Variants in SRP9 observed in about 807,000 individuals in gnomAD.
SRP9 encodes the protein signal recognition particle 9, also known as signal recognition particle 9 kDa protein.
SRP9 carries 2 observed loss-of-function variants against 11.7 expected under a neutral mutation model. The observed-to-expected ratio is 0.17, with a 90% confidence interval of 0.07 to 0.54. The LOEUF (loss-of-function observed/expected upper bound fraction) is 0.54. Among genes scored for constraint, SRP9 ranks in the 20% least tolerant of loss-of-function variants. The pLI, the probability that SRP9 is intolerant of heterozygous loss-of-function variation, is 0.94. For missense variants in SRP9, 54 were observed against 108.1 expected (o/e 0.50, Z 2.22); for synonymous variants, 27 against 35.6 (o/e 0.76, Z 0.86).
chr1:225,782,287 C>A (rs1440777213), intron 1 of SRP9, among the ~76,000 whole-genome samples: 2 of 152,060 alleles, frequency 1.3e-5, no homozygotes, highest in African/African-American at 4.8e-5. Flanking sequence ...CCTCAGCCTC[C>A]CGATTAGCTG....
At chr1:225,778,105 G>A in intron 1 of SRP9, 93 bp downstream of exon 1, 2 of 1,384,936 alleles carry the variant, frequency 1.4e-6, no homozygotes, top group Non-Finnish European at 2.0e-6. Flanking sequence ...GCGCTCCCAG[G>A]AGGTGCTGGG....
chr1:225,780,373 GT>G (rs141239007), intron 1 of SRP9, among the ~76,000 whole-genome samples: 15 of 151,138 alleles, frequency 9.9e-5, no homozygotes, highest in Admixed American at 2.6e-4. Flanking sequence ...GAGCTTAACA[GT>G]TTTTTTTGTT....
intron 2 of SRP9, chr1:225,788,888 T>C (rs919394853): frequency 2.0e-6 from 2 of 1,001,128 alleles, no homozygotes; most frequent in Non-Finnish European, 2.8e-6. Context: ...GGAGAAAATA[T>C]GTAGGGAGAT....
Position 225,783,355 on chromosome 1 carries a change from CAG to C in SRP9, c.130_131del (p.Asp44Ter). The C allele has an allele frequency of 6.2e-7, 1 of 1,610,766 alleles. No homozygotes were observed. The highest frequency in any genetic ancestry group is 8.5e-7 in the Non-Finnish European group (1 of 1,177,684). On this transcript the variant is annotated frameshift_variant, in exon 2 of 3. Coordinates refer to ENST00000304786, the MANE Select transcript of SRP9 (RefSeq NM_003133.6). LOFTEE classifies it high-confidence loss of function. ...GATGGGAACTTGTGTGTTAAAGTAA[CAG>C]ATGATTTAGTTGTAAGTATACATTT...
chr1:225,790,201 TTTAA>T lies in SRP9; in HGVS notation c.*847_*850del, dbSNP rs763186007. 2 of 152,240 alleles carry T rather than the reference TTTAA, an allele frequency of 1.3e-5. No homozygotes were observed. The highest frequency in any genetic ancestry group is 6.5e-5 in the Admixed American group (1 of 15,286). 9.4% of individuals were successfully genotyped at this position (152,240 alleles called of 1,614,324 possible). On this transcript the variant is annotated 3_prime_UTR_variant, in exon 3 of 3. Transcript: ENST00000304786. ...GTGACACCCCTGCCCATTTTCTGTC[TTTAA>T]TTAACCAAGGTGTTAGGTGTGACTG...
intron 1 of SRP9, among the ~76,000 whole-genome samples, chr1:225,782,456 G>A (rs1292092321): frequency 5.9e-5 from 9 of 152,112 alleles, no homozygotes; most frequent in Non-Finnish European, 1.2e-4. Flanking sequence ...GAGCCACCGC[G>A]CCTGGCCGAT....
At chr1:225,780,012 AAG>A (rs1270222393) in intron 1 of SRP9, among the ~76,000 whole-genome samples, 3 of 152,158 alleles carry the variant, frequency 2.0e-5, no homozygotes, top group Non-Finnish European at 2.9e-5. Context: ...ATAGACAAGA[AAG>A]AGAATATTTC....
At chr1:225,780,090 C>T (rs908561269) in intron 1 of SRP9, among the ~76,000 whole-genome samples, 1 of 151,482 alleles carries the variant, frequency 6.6e-6, no homozygotes, top group Non-Finnish European at 1.5e-5. Flanking sequence ...AATCACAGTT[C>T]GCTGCACCAT....
chr1:225,782,453 C>T (rs950812771), intron 1 of SRP9, among the ~76,000 whole-genome samples: 1 of 152,090 alleles, frequency 6.6e-6, no homozygotes, highest in Non-Finnish European at 1.5e-5. Context: ...CGTGAGCCAC[C>T]GCGCCTGGCC....
At chr1:225,781,395 C>CTTTTTTTTTTTTTTTTTTTTTT (rs11315558) in intron 1 of SRP9, among the ~76,000 whole-genome samples, 1 of 87,824 alleles carries the variant, frequency 1.1e-5, no homozygotes, top group Non-Finnish European at 2.1e-5. Context: ...TTTTCTTTTT[C>CTTTTTTTTTTTTTTTTTTTTTT]TTTTTTTTTT....
intron 2 of SRP9, 191 bp from the exon 3 acceptor site, chr1:225,789,049 T>G: frequency 6.4e-7 from 1 of 1,551,044 alleles, no homozygotes; most frequent in Non-Finnish European, 8.7e-7. Context: ...GCATTTAAAT[T>G]ACTGTACTTT....
In SRP9 at chr1:225,789,225, TA is replaced by T. The variant is rs1559007102; in HGVS notation, c.142-11del. 6.2e-7 allele frequency: 1 copy of T among 1,608,566 alleles called. No individual in the cohort carries two copies. The highest frequency in any genetic ancestry group is 8.5e-7 in the Non-Finnish European group (1 of 1,177,472). ...GTTTTATATAGTTAATATGTACTTCTAAAATTTCTGACAGTGTTTGGTGTAT... is the reference window on the plus strand; with the variant it reads ...GTTTTATATAGTTAATATGTACTTCTAAATTTCTGACAGTGTTTGGTGTAT... On this transcript the variant is annotated splice_polypyrimidine_tract_variant and intron_variant, in intron 2 of 2. Transcript: ENST00000304786.
At chr1:225,784,035 C>T (rs1203187814) in intron 2 of SRP9, among the ~76,000 whole-genome samples, 1 of 151,208 alleles carries the variant, frequency 6.6e-6, no homozygotes, top group Non-Finnish European at 1.5e-5. Context: ...ATATGTGCTT[C>T]TCTAGGATTC....
chr1:225,781,868 A>G (rs1410742105), intron 1 of SRP9, among the ~76,000 whole-genome samples: 1 of 152,222 alleles, frequency 6.6e-6, no homozygotes, highest in African/African-American at 2.4e-5. Context: ...AATAAATAGA[A>G]TCAGGTATTC....
Position 225,777,826 on chromosome 1 carries a change from G to C in SRP9, c.-115G>C. 1 of 990,174 alleles carries C rather than the reference G, an allele frequency of 1.0e-6. No individual in the cohort carries two copies. The highest frequency in any genetic ancestry group is 1.5e-6 in the Non-Finnish European group (1 of 648,000). The allele number at this position is 990,174 out of a possible 1,614,324, so 61.3% of individuals were successfully genotyped here. ...GAGCGAGGCGTTGGTGCGAGGAGGCGCCGCCATCTTGGGGCTGCTGGGACT... is the reference window on the plus strand; with the variant it reads ...GAGCGAGGCGTTGGTGCGAGGAGGCCCCGCCATCTTGGGGCTGCTGGGACT... On this transcript the variant is annotated 5_prime_UTR_variant, in exon 1 of 3. Transcript: ENST00000304786.
At chr1:225,781,588 C>T (rs1465788783) in intron 1 of SRP9, among the ~76,000 whole-genome samples, 3 of 151,712 alleles carry the variant, frequency 2.0e-5, no homozygotes, top group Admixed American at 6.6e-5. Flanking sequence ...TTAGTAGAGA[C>T]GGGGTTTCAC....
At position 225,786,760 on chromosome 1, in the gene SRP9, A is replaced by G. The variant is rs1051213432; in HGVS notation, c.142-2480A>G. The stretch of plus-strand genomic sequence containing the variant: ...AAAGTATCATAGTGATAGTAAAAAA[A>G]TATATGAAAGTATCTAACATGAGTG... On this transcript the variant is annotated intron_variant, in intron 2 of 2. Coordinates refer to ENST00000304786, the MANE Select transcript of SRP9 (RefSeq NM_003133.6). 3 of 1,193,526 alleles carry G rather than the reference A, an allele frequency of 2.5e-6. No individual in the cohort carries two copies. In the African/African-American group the frequency reaches 5.1e-5, roughly 20 times the overall value. 73.9% of individuals were successfully genotyped at this position (1,193,526 alleles called of 1,614,324 possible). A position where few individuals can be genotyped will look rare whatever the true frequency, so the allele number is the denominator to read the frequency against.
chr1:225,780,230 C>T (rs1473480322), intron 1 of SRP9, among the ~76,000 whole-genome samples: 1 of 146,822 alleles, frequency 6.8e-6, no homozygotes, highest in African/African-American at 2.5e-5. Context: ...GCTTTGTTGC[C>T]CAGGTTGGTC....
At chr1:225,788,785 AATT>A (rs1274958240) in intron 2 of SRP9, among the ~76,000 whole-genome samples, 2 of 152,294 alleles carry the variant, frequency 1.3e-5, no homozygotes, top group African/African-American at 2.4e-5. Context: ...TTTTTCTAAA[AATT>A]ATTATCAAAC....
Sources: gnomAD v4.1 joint callset for allele counts (sites outside exome capture counted in the v4.1 genomes callset) on GRCh38, gnomAD v4.1.1 for gene constraint, MANE v1.5 for transcripts, NCBI Gene and HGNC (gene_info 2026-07-23, HGNC 2026-07-21) for gene names.